CSMD1: variants seen among roughly 807,000 people sequenced by gnomAD.
CSMD1 encodes the protein CUB and sushi domain-containing protein 1.
A neutral mutation model predicts 417.5 loss-of-function variants in CSMD1; 213 were observed. The observed-to-expected ratio is 0.51, with a 90% CI of 0.46 to 0.57. The LOEUF (loss-of-function observed/expected upper bound fraction) is 0.57. Among genes scored for constraint, CSMD1 ranks in the 20% least tolerant of loss-of-function variants. CSMD1 has a pLI of 0.00. For missense variants in CSMD1, 6,923 were observed against 4,529.7 expected (o/e 1.53, Z -15.17); for synonymous variants, 2,862 against 1,736.8 (o/e 1.65, Z -16.11).
chr8:3,146,776 T>C (rs1279854577), intron 40 of CSMD1, among the ~76,000 whole-genome samples: 1 of 152,208 alleles, frequency 6.6e-6, no homozygotes, highest in Non-Finnish European at 1.5e-5. Flanking sequence ...GATTTCCACA[T>C]GATGCCAAAC....
intron 3 of CSMD1, among the ~76,000 whole-genome samples, chr8:4,179,109 C>A (rs569864094): frequency 1.3e-5 from 2 of 152,084 alleles, no homozygotes; most frequent in African/African-American, 2.4e-5. Flanking sequence ...AAAAAGAGCC[C>A]GCATCGCCAA....
intron 5 of CSMD1, among the ~76,000 whole-genome samples, chr8:3,982,101 T>G (rs1361133367): frequency 1.3e-5 from 2 of 151,030 alleles, no homozygotes; most frequent in Admixed American, 6.6e-5. Flanking sequence ...GAGGTTGCAG[T>G]GAGTCGAGAT....
At chr8:4,821,995 A>T (rs1009642782) in intron 1 of CSMD1, among the ~76,000 whole-genome samples, 2 of 152,066 alleles carry the variant, frequency 1.3e-5, no homozygotes, top group African/African-American at 4.8e-5. Context: ...TTCCTCTGTA[A>T]TGCAATGACT....
chr8:4,711,523 G>GA (rs901754977), intron 1 of CSMD1, among the ~76,000 whole-genome samples: 118 of 149,272 alleles, frequency 7.9e-4, no homozygotes, highest in Non-Finnish European at 1.2e-3. Context: ...CATCTGTCCT[G>GA]AAAAAAAAAG....
intron 2 of CSMD1, among the ~76,000 whole-genome samples, chr8:4,471,212 GAA>G (rs1298107440): frequency 1.3e-5 from 2 of 152,006 alleles, no homozygotes; most frequent in African/African-American, 4.8e-5. Flanking sequence ...AACAATCTTA[GAA>G]AAAGTCTCGT....
chr8:3,469,668 G>A (rs570542164), intron 11 of CSMD1, among the ~76,000 whole-genome samples: 3 of 152,308 alleles, frequency 2.0e-5, no homozygotes, highest in South Asian at 2.1e-4. Flanking sequence ...TTTCAGCAAA[G>A]TAGTTTCAGG....
chr8:4,106,724 C>T (rs982839445), intron 3 of CSMD1, among the ~76,000 whole-genome samples: 2 of 152,164 alleles, frequency 1.3e-5, no homozygotes, highest in Non-Finnish European at 2.9e-5. Context: ...GTTTTATACA[C>T]ACAGCTCTTA....
intron 7 of CSMD1, among the ~76,000 whole-genome samples, chr8:3,654,820 C>T (rs1462731672): frequency 6.6e-6 from 1 of 152,124 alleles, no homozygotes; most frequent in African/African-American, 2.4e-5. Context: ...CCATGGCGCC[C>T]AGGATCCATA....
chr8:4,126,918 C>A (rs1244301039), intron 3 of CSMD1, among the ~76,000 whole-genome samples: 1 of 152,038 alleles, frequency 6.6e-6, no homozygotes, highest in Non-Finnish European at 1.5e-5. Context: ...GCTCTCACGC[C>A]CACACAGACT....
intron 8 of CSMD1, among the ~76,000 whole-genome samples, chr8:3,601,649 T>A (rs1178949400): frequency 5.9e-5 from 9 of 152,212 alleles, no homozygotes; most frequent in Non-Finnish European, 1.3e-4. Context: ...CAACAAACTT[T>A]AAGGCTAATG....
intron 23 of CSMD1, among the ~76,000 whole-genome samples, chr8:3,340,200 C>G (rs1807556520): frequency 6.6e-6 from 1 of 152,152 alleles, no homozygotes; most frequent in Admixed American, 6.5e-5. Flanking sequence ...ACACCACTCC[C>G]TGTGTGCAGC....
intron 3 of CSMD1, among the ~76,000 whole-genome samples, chr8:4,407,360 T>G (rs762998189): frequency 6.6e-6 from 1 of 152,220 alleles, no homozygotes; most frequent in Non-Finnish European, 1.5e-5. Context: ...AAAACTCAAT[T>G]TTTACTATGA....
intron 3 of CSMD1, among the ~76,000 whole-genome samples, chr8:4,115,814 G>T (rs1802104140): frequency 6.6e-6 from 1 of 151,448 alleles, no homozygotes; most frequent in Admixed American, 6.6e-5. Context: ...ATATTTCTCA[G>T]TAAAAAAAAA....
rs557984716 is a variant in CSMD1 at position 3,558,520 on chromosome 8, C to T, written c.1344+16425G>A. ...ACGGTGCCTCAATGGTACCCCATGTCGACTCCTCCAACGATGAACGGTGTC... is the reference window on the plus strand; with the variant it reads ...ACGGTGCCTCAATGGTACCCCATGTTGACTCCTCCAACGATGAACGGTGTC... On this transcript the variant is annotated intron_variant, in intron 10 of 69. Coordinates refer to ENST00000635120, the MANE Select transcript of CSMD1 (RefSeq NM_033225.6). Among the ~76,000 whole-genome samples the T allele has an allele frequency of 7.1e-4, 106 of 149,348 alleles. 1 individual carries two copies. The highest frequency in any genetic ancestry group is 2.5e-3 in the African/African-American group (100 of 40,104).
intron 67 of CSMD1, 54 bp from the exon 68 acceptor site, chr8:2,949,440 T>A: frequency 2.4e-6 from 2 of 825,972 alleles, no homozygotes; most frequent in Non-Finnish European, 3.9e-6. Context: ...AAGGGATGAA[T>A]AATATCCTCT....
intron 10 of CSMD1, among the ~76,000 whole-genome samples, chr8:3,543,870 G>C (rs1293049555): frequency 2.0e-5 from 3 of 152,190 alleles, no homozygotes; most frequent in Non-Finnish European, 4.4e-5. Flanking sequence ...CAGGATCAGA[G>C]TCAGGACAGA....
rs139117913 is a variant in CSMD1 at position 4,047,509 on chromosome 8, T to C, written c.416-15410A>G. On this transcript the variant is annotated intron_variant, in intron 3 of 69. Transcript: ENST00000635120. ...TAGCGTAAATGCAGGGAAGGCAACATTGTGATATGTCATTCATTCATTCAT... is the reference window on the plus strand; with the variant it reads ...TAGCGTAAATGCAGGGAAGGCAACACTGTGATATGTCATTCATTCATTCAT... Among the ~76,000 whole-genome samples, 212 of 145,826 alleles carry C rather than the reference T, an allele frequency of 1.5e-3. 3 individuals carry two copies. The East Asian group carries it at 0.03, about 20-fold the overall frequency.
At chr8:4,859,587 A>C (rs199879236) in intron 1 of CSMD1, among the ~76,000 whole-genome samples, 9 of 152,268 alleles carry the variant, frequency 5.9e-5, no homozygotes, top group East Asian at 5.8e-4. Context: ...ACCCCATCAA[A>C]AAGTGGGCGA....
chr8:4,314,214 C>T (rs757886334), intron 3 of CSMD1, among the ~76,000 whole-genome samples: 24 of 151,970 alleles, frequency 1.6e-4, no homozygotes, highest in Non-Finnish European at 2.8e-4. Context: ...ACTGCAGTCA[C>T]GTTAATAGTT....
Sources: allele counts gnomAD v4.1 joint callset (sites outside exome capture counted in the v4.1 genomes callset), GRCh38; gene constraint gnomAD v4.1.1; transcripts MANE v1.5; gene names NCBI Gene and HGNC (gene_info 2026-07-23, HGNC 2026-07-21).